The following PLPP4 variants were observed in gnomAD, a reference collection of about 807,000 sequenced individuals.
PLPP4 encodes the protein phospholipid phosphatase 4, also known as diacylglycerol pyrophosphate like 2.
A neutral mutation model predicts 32.2 loss-of-function variants in PLPP4; 20 were observed. The ratio of observed to expected loss-of-function variants is 0.62; its 90% CI spans 0.44 to 0.90. PLPP4 has a LOEUF of 0.90. Among genes scored for constraint, PLPP4 ranks in the 40% least tolerant of loss-of-function variants. The pLI, the probability that PLPP4 is intolerant of heterozygous loss-of-function variation, is 0.00. For synonymous variants in PLPP4, 127 were observed against 133.0 expected, an observed-to-expected ratio of 0.95 and a Z score of 0.31; for missense variants, 257 against 353.1, an observed-to-expected ratio of 0.73 and a Z score of 2.18.
chr10:120,583,838 T>TA (rs1406970879), intron 6 of PLPP4, among the ~76,000 whole-genome samples: 2 of 152,124 alleles, frequency 1.3e-5, no homozygotes, highest in African/African-American at 4.8e-5. Context: ...GAGTCCTAGG[T>TA]AATGACATGT....
At chr10:120,543,518 C>T (rs1043376426) in intron 5 of PLPP4, among the ~76,000 whole-genome samples, 13 of 152,188 alleles carry the variant, frequency 8.5e-5, no homozygotes, top group Admixed American at 3.3e-4. Context: ...ACACACTCAG[C>T]TTGTCATTTG....
chr10:120,482,640 C>T (rs1045133509), intron 1 of PLPP4, among the ~76,000 whole-genome samples: 1 of 152,114 alleles, frequency 6.6e-6, no homozygotes, highest in African/African-American at 2.4e-5. Flanking sequence ...CGCAGTGGCT[C>T]ACACCTGTAA....
chr10:120,493,956 G>C (rs1844839391), intron 1 of PLPP4, among the ~76,000 whole-genome samples: 1 of 152,182 alleles, frequency 6.6e-6, no homozygotes. Context: ...GTCCCTGGTA[G>C]TGGCAGGAGG....
intron 1 of PLPP4, among the ~76,000 whole-genome samples, chr10:120,469,723 A>G (rs1041772672): frequency 6.6e-6 from 1 of 152,104 alleles, no homozygotes; most frequent in African/African-American, 2.4e-5. Flanking sequence ...CATTCTCTTC[A>G]CTTTTTATAC....
chr10:120,507,809 C>T (rs932367317), intron 2 of PLPP4, among the ~76,000 whole-genome samples: 7 of 152,128 alleles, frequency 4.6e-5, no homozygotes, highest in African/African-American at 1.7e-4. Context: ...TGGTTAATTA[C>T]AAGCTAATTC....
intron 1 of PLPP4, among the ~76,000 whole-genome samples, chr10:120,503,058 C>G (rs1312586482): frequency 2.0e-5 from 3 of 152,234 alleles, no homozygotes; most frequent in Non-Finnish European, 4.4e-5. Flanking sequence ...CCAGCACCTC[C>G]CACTTTGCCT....
intron 6 of PLPP4, among the ~76,000 whole-genome samples, chr10:120,577,073 T>C (rs1353964285): frequency 1.3e-5 from 2 of 152,244 alleles, no homozygotes; most frequent in African/African-American, 4.8e-5. Context: ...CCAAATGTTC[T>C]TTGTAAATGG....
intron 1 of PLPP4, among the ~76,000 whole-genome samples, chr10:120,472,660 C>T (rs1438218995): frequency 6.6e-6 from 1 of 151,990 alleles, no homozygotes; most frequent in Admixed American, 6.6e-5. Context: ...TTTATTTTAT[C>T]CAATATTTCT....
chr10:120,589,506 G>A lies in PLPP4; in HGVS notation c.*4G>A, dbSNP rs1163691601. ...GATCACCGAAGGCCCGGTATGACCA[G>A]TGTCCTGGGAGGATGGACACTAAGC... On this transcript the variant is annotated 3_prime_UTR_variant, in exon 7 of 7. Coordinates refer to ENST00000398250, the MANE Select transcript of PLPP4 (RefSeq NM_001030059.3). 6.2e-7 allele frequency: 1 copy of A among 1,613,196 alleles called. No homozygotes were observed. The highest frequency in any genetic ancestry group is 1.7e-5 in the Admixed American group (1 of 59,998).
intron 3 of PLPP4, among the ~76,000 whole-genome samples, chr10:120,514,998 G>GT (rs1431894549): frequency 2.0e-5 from 3 of 152,136 alleles, no homozygotes; most frequent in Admixed American, 6.5e-5. Flanking sequence ...CTTTTCCATG[G>GT]TAAGGGAGTG....
intron 6 of PLPP4, among the ~76,000 whole-genome samples, chr10:120,582,964 T>C (rs1423111456): frequency 6.6e-6 from 1 of 151,962 alleles, no homozygotes; most frequent in Admixed American, 6.6e-5. Context: ...AGGTAAGCTC[T>C]TTTGTAGAAA....
At chr10:120,541,859 T>TGTCTCCGCTCACTGCAACCTC (rs1847359070) in intron 5 of PLPP4, among the ~76,000 whole-genome samples, 1 of 151,588 alleles carries the variant, frequency 6.6e-6, no homozygotes, top group Non-Finnish European at 1.5e-5. Flanking sequence ...ACTGCAACCT[T>TGTCTCCGCTCACTGCAACCTC]TGTCTCCTGG....
intron 2 of PLPP4, among the ~76,000 whole-genome samples, chr10:120,504,867 A>G (rs1324757552): frequency 2.0e-5 from 3 of 152,344 alleles, no homozygotes; most frequent in East Asian, 3.9e-4. Context: ...GGCCACTAAT[A>G]AGACTACCCT....
At chr10:120,461,314 T>G (rs557361831) in intron 1 of PLPP4, among the ~76,000 whole-genome samples, 1 of 152,304 alleles carries the variant, frequency 6.6e-6, no homozygotes, top group Non-Finnish European at 1.5e-5. Context: ...TCCCAGGACA[T>G]CTGTTAGTTC....
intron 6 of PLPP4, among the ~76,000 whole-genome samples, chr10:120,577,184 C>CT (rs1010654405): frequency 6.6e-6 from 1 of 151,562 alleles, no homozygotes; most frequent in Non-Finnish European, 1.5e-5. Flanking sequence ...TGGAGACAGA[C>CT]TTTTTTTTTG....
At chr10:120,556,267 C>T (rs896947288) in intron 5 of PLPP4, among the ~76,000 whole-genome samples, 1 of 152,082 alleles carries the variant, frequency 6.6e-6, no homozygotes, top group East Asian at 1.9e-4. Context: ...CTCTTAGTGC[C>T]CTGGGGGGTA....
intron 5 of PLPP4, among the ~76,000 whole-genome samples, chr10:120,529,422 G>A (rs1295938522): frequency 6.6e-6 from 1 of 152,154 alleles, no homozygotes; most frequent in Admixed American, 6.5e-5. Context: ...CAAGTTCCTG[G>A]TCTGAATAAG....
intron 5 of PLPP4, among the ~76,000 whole-genome samples, chr10:120,544,665 C>T (rs1051192315): frequency 1.3e-5 from 2 of 152,240 alleles, no homozygotes; most frequent in Admixed American, 1.3e-4. Flanking sequence ...GCAGGCCTGC[C>T]TGCTCATCTC....
intron 1 of PLPP4, among the ~76,000 whole-genome samples, chr10:120,488,482 C>T (rs1844561960): frequency 6.6e-6 from 1 of 152,180 alleles, no homozygotes; most frequent in Non-Finnish European, 1.5e-5. Context: ...AGAATTCGTG[C>T]TTTTCATTTA....
Sources: gnomAD v4.1 joint callset for allele counts (sites outside exome capture counted in the v4.1 genomes callset) on GRCh38, gnomAD v4.1.1 for gene constraint, MANE v1.5 for transcripts, NCBI Gene and HGNC (gene_info 2026-07-23, HGNC 2026-07-21) for gene names.